Variants in CLASP2 observed in about 807,000 individuals in gnomAD.
The protein encoded by CLASP2 is cytoplasmic linker associated protein 2.
A neutral mutation model predicts 194.4 loss-of-function variants in CLASP2; 47 were observed. That is an observed-to-expected ratio of 0.24 (90% CI 0.19 to 0.31). The LOEUF is 0.31. CLASP2 is among the 10% of genes least tolerant of loss of function. CLASP2 has a pLI of 1.00. For synonymous variants in CLASP2, 619 were observed against 633.5 expected, an observed-to-expected ratio of 0.98 and a Z score of 0.34; for missense variants, 1,445 against 1,823.6, an observed-to-expected ratio of 0.79 and a Z score of 3.78.
intron 1 of CLASP2, among the ~76,000 whole-genome samples, chr3:33,700,804 C>T (rs1230725762): frequency 2.0e-5 from 3 of 152,124 alleles, no homozygotes; most frequent in Admixed American, 6.5e-5. Context: ...GAGCTGAGAT[C>T]GCGCCATTGC....
chr3:33,597,784 G>A (rs370633100), intron 18 of CLASP2, among the ~76,000 whole-genome samples: 3 of 142,654 alleles, frequency 2.1e-5, no homozygotes, highest in Non-Finnish European at 3.0e-5. Context: ...ACAGAGTCTC[G>A]CCCTGTCACC....
At chr3:33,591,167 G>T (rs943529555) in intron 21 of CLASP2, among the ~76,000 whole-genome samples, 17 of 152,062 alleles carry the variant, frequency 1.1e-4, no homozygotes, top group Admixed American at 6.6e-5. Flanking sequence ...ACAAGAGTGA[G>T]ATCCTGTCTC....
At position 33,596,718 on chromosome 3, in the gene CLASP2, C is replaced by T; in HGVS notation, c.1941G>A (p.Lys647=). ...AGGAAAGGAAGTTCTTACCATCCAG[C>T]TTGTCAGAAGTATCCTCTTTGATGA... ...SYASLEDTSD[K]LDGTASEDGR... Residue 647 remains lysine (K), a synonymous_variant, in exon 19 of 39, where the codon AAG becomes AAA. Transcript: ENST00000682230. 1 of 1,568,176 alleles carries T rather than the reference C, an allele frequency of 6.4e-7. No individual in the cohort carries two copies. The highest frequency in any genetic ancestry group is 1.2e-5 in the South Asian group (1 of 84,694).
chr3:33,619,762 T>A, intron 11 of CLASP2, 24 bp from the exon 12 acceptor site: 1 of 1,539,680 alleles, frequency 6.5e-7, no homozygotes, highest in Non-Finnish European at 8.8e-7. Flanking sequence ...CAAAAAGTAT[T>A]TTTTAATAGT....
chr3:33,526,485 T>A (rs1037054884), intron 34 of CLASP2, among the ~76,000 whole-genome samples: 19 of 151,544 alleles, frequency 1.3e-4, no homozygotes, highest in African/African-American at 4.6e-4. Flanking sequence ...ATAAAGCAAG[T>A]TCTTAGAGAT....
chr3:33,648,840 C>A (rs376072365), intron 7 of CLASP2, among the ~76,000 whole-genome samples: 211 of 152,256 alleles, frequency 1.4e-3, no homozygotes, highest in Non-Finnish European at 2.3e-3. Flanking sequence ...CATGCTGCAA[C>A]CCCATTACCT....
chr3:33,667,406 CAA>C lies in CLASP2; in HGVS notation c.645-3893_645-3892del, dbSNP rs537846651. Among the ~76,000 whole-genome samples the C allele has an allele frequency of 6.3e-4, 28 of 44,122 alleles. 1 individual carries two copies. Among genetic ancestry groups the C allele is most frequent in the East Asian group, 2.7e-3 (4 of 1,498 alleles). The allele number at this position is 44,122 out of a possible 152,430, so 28.9% of individuals were successfully genotyped here. A position where few individuals can be genotyped will look rare whatever the true frequency, so the allele number is the denominator to read the frequency against. ...CCTGGGTGACAGAGTGAGACTATCT[CAA>C]AAAAAAAAAAAAAAAAAAAAGACAT... On this transcript the variant is annotated intron_variant, in intron 6 of 38. Transcript: ENST00000682230.
At chr3:33,596,669 T>A in intron 19 of CLASP2, 42 bp downstream of exon 19, 1 of 1,407,698 alleles carries the variant, frequency 7.1e-7, no homozygotes, top group Non-Finnish European at 9.8e-7. Flanking sequence ...GAATCCAGGT[T>A]CCATAAAAAT....
intron 12 of CLASP2, 89 bp downstream of exon 12, chr3:33,619,514 G>C: frequency 8.8e-7 from 1 of 1,129,954 alleles, no homozygotes; most frequent in South Asian, 1.8e-5. Context: ...AGAGAGGGGT[G>C]GGGTGGGGAA....
At chr3:33,519,746 A>T (rs557978607) in intron 34 of CLASP2, among the ~76,000 whole-genome samples, 12 of 152,154 alleles carry the variant, frequency 7.9e-5, no homozygotes, top group African/African-American at 2.9e-4. Context: ...CTGAGGGCTT[A>T]TCCATCTTCA....
At chr3:33,625,296 A>C (rs1025314853) in intron 10 of CLASP2, among the ~76,000 whole-genome samples, 8 of 152,018 alleles carry the variant, frequency 5.3e-5, no homozygotes, top group Non-Finnish European at 1.0e-4. Flanking sequence ...TATGTAACAA[A>C]CCTGCATGTT....
chr3:33,578,799 T>C (rs1450080787), intron 23 of CLASP2, among the ~76,000 whole-genome samples: 2 of 152,184 alleles, frequency 1.3e-5, no homozygotes, highest in Non-Finnish European at 2.9e-5. Flanking sequence ...GTGTCTGAAA[T>C]AAAGTAAGCC....
intron 24 of CLASP2, 75 bp downstream of exon 24, chr3:33,576,094 T>G (rs1560111209): frequency 8.7e-7 from 1 of 1,148,332 alleles, no homozygotes; most frequent in Non-Finnish European, 1.3e-6. Context: ...CTTTCCCACA[T>G]GGATAGACTG....
At chr3:33,634,604 A>C (rs1282931244) in intron 8 of CLASP2, among the ~76,000 whole-genome samples, 10 of 152,250 alleles carry the variant, frequency 6.6e-5, no homozygotes. Context: ...GAATAATTTC[A>C]AGAGATCTAT....
intron 8 of CLASP2, among the ~76,000 whole-genome samples, chr3:33,637,796 A>C (rs762077529): frequency 6.6e-6 from 1 of 152,224 alleles, no homozygotes; most frequent in Non-Finnish European, 1.5e-5. Flanking sequence ...CAGAAGGTAA[A>C]ATGTTGTCTT....
intron 27 of CLASP2, among the ~76,000 whole-genome samples, chr3:33,563,561 C>T (rs1052158624): frequency 6.6e-5 from 10 of 152,172 alleles, no homozygotes; most frequent in African/African-American, 2.4e-4. Context: ...TAGTAAATAT[C>T]CTAGGGCTTT....
intron 24 of CLASP2, among the ~76,000 whole-genome samples, chr3:33,575,275 CGTGTGAT>C (rs1560107943): frequency 6.6e-6 from 1 of 152,090 alleles, no homozygotes; most frequent in African/African-American, 2.4e-5. Flanking sequence ...CAGAACTACA[CGTGTGAT>C]ATTCAATAAA....
Position 33,684,366 on chromosome 3 carries a change from G to T in CLASP2, c.637C>A (p.Pro213Thr). 1 of 1,577,468 alleles carries T rather than the reference G, an allele frequency of 6.3e-7. No homozygotes were observed. Among genetic ancestry groups the T allele is most frequent in the African/African-American group, 1.4e-5 (1 of 72,644 alleles). The change falls in exon 6 of 39, where the codon CCT becomes ACT. Residue 213 changes from proline to threonine, a missense_variant. Physicochemically the swap from Pro to Thr is conservative, Grantham distance 38. This residue lies in a region of CLASP2 where 332 missense variants were observed against 325.3 expected (regional missense o/e 1.02). Coordinates refer to ENST00000682230, the MANE Select transcript of CLASP2 (RefSeq NM_001365631.1). ...AAATTTAGCAAGACTTACCTAGCAGGGGGAATTCCTCTCTTATAAAGATCC... is the reference window on the plus strand; with the variant it reads ...AAATTTAGCAAGACTTACCTAGCAGTGGGAATTCCTCTCTTATAAAGATCC... ...RMDLYKRGIP[P>T]ARLEMIFAKF...
Position 33,604,135 on chromosome 3 carries a change from T to C in CLASP2, c.1750+19A>G. Reference sequence around the variant, plus strand: ...CAAAGATAAAATAGGTTATAACTCTTATTTAAAGAGAAAATTACCTCTTCC... The same window carrying C: ...CAAAGATAAAATAGGTTATAACTCTCATTTAAAGAGAAAATTACCTCTTCC... On this transcript the variant is annotated intron_variant, in intron 17 of 38. Coordinates refer to ENST00000682230, the MANE Select transcript of CLASP2 (RefSeq NM_001365631.1). The C allele has an allele frequency of 6.5e-7, 1 of 1,534,290 alleles. No homozygotes were observed.
Sources: allele counts gnomAD v4.1 joint callset (sites outside exome capture counted in the v4.1 genomes callset), GRCh38; gene constraint gnomAD v4.1.1; regional missense constraint gnomAD v4.1.1; transcripts MANE v1.5; gene names NCBI Gene and HGNC (gene_info 2026-07-23, HGNC 2026-07-21).